TRPM5: variants seen among roughly 807,000 people sequenced by gnomAD.
TRPM5 encodes the protein MLSN1 and TRP-related.
Under a neutral mutation model 124.9 loss-of-function variants are expected in TRPM5, and 121 were observed. The ratio of observed to expected loss-of-function variants is 0.97; its 90% CI spans 0.84 to 1.13. The LOEUF is 1.13. TRPM5 is among the 50% of genes most tolerant of loss of function. The probability of loss-of-function intolerance (pLI) is 0.00; values close to 1 mark genes in which losing one functional copy is unlikely to be tolerated. For missense variants in TRPM5, 1,643 were observed against 1,589.1 expected (o/e 1.03, Z -0.58); for synonymous variants, 781 against 700.5 (o/e 1.11, Z -1.81).
intron 4 of TRPM5, 134 bp downstream of exon 9, chr11:2,420,088 C>G: frequency 1.0e-6 from 1 of 1,004,406 alleles, no homozygotes; most frequent in South Asian, 1.7e-5. Flanking sequence ...TCTCGGTGCT[C>G]AGGCATGCGG....
At chr11:2,425,911 C>A (rs893488441), upstream of TRPM5, among the ~76,000 whole-genome samples, 1 of 152,188 alleles carries the variant, frequency 6.6e-6, no homozygotes, top group Non-Finnish European at 1.5e-5. Flanking sequence ...TCCCTTCGTC[C>A]CTGGTGGGGA....
rs762070736 is a variant in TRPM5, at chr11:2,412,808, G to A, written c.2301C>T (p.Pro767=). 18 of 1,603,284 alleles carry A rather than the reference G, an allele frequency of 1.1e-5. No individual in the cohort carries two copies. The East Asian group carries it at 1.6e-4, about 14-fold the overall frequency. The change falls in exon 15 of 24, where the codon CCC becomes CCT. Residue 767 remains proline (P), a synonymous_variant. Transcript: ENST00000155858. ...AGACCCAGAAGTAGAGGGTGACCTC[G>A]GGCCCTGAGGGGCCCTGGGGGGGCG...
At chr11:2,413,553 G>A (rs748389413) in exon 13 of TRPM5, 21 of 1,612,498 alleles carry the variant, frequency 1.3e-5, no homozygotes, top group Non-Finnish European at 1.7e-5. Context: ...GCGTGCCTGC[G>A]GCCATGTCCC....
chr11:2,410,193 G>A lies in TRPM5; in HGVS notation c.2782+1159C>T, dbSNP rs548158570. 4.7e-4 allele frequency among the ~76,000 whole-genome samples: 71 copies of A among 152,338 alleles called. 2 individuals carry two copies. The South Asian group carries it at 0.014, about 31-fold the overall frequency. ...CAAAATGTCAGGAGGGGCTGCGGGGGCTGAGAAAACAGCCCAAGGAAATGA... is the reference window on the plus strand; with the variant it reads ...CAAAATGTCAGGAGGGGCTGCGGGGACTGAGAAAACAGCCCAAGGAAATGA... On this transcript the variant is annotated intron_variant, in intron 18 of 23. Transcript: ENST00000155858.
At chr11:2,439,031 A>G in the TRPM5 span, among the ~76,000 whole-genome samples, 2 of 152,212 alleles carry the variant, frequency 1.3e-5, no homozygotes, top group Admixed American at 1.3e-4. Flanking sequence ...CCACACACCT[A>G]CAGTAATCTG....
At chr11:2,405,307 G>GCCTCAAGA (rs1182878945) in intron 23 of TRPM5, among the ~76,000 whole-genome samples, 1 of 152,256 alleles carries the variant, frequency 6.6e-6, no homozygotes, top group African/African-American at 2.4e-5. Context: ...GCCAGGCAGA[G>GCCTCAAGA]CCTCAAGAGT....
At chr11:2,442,040 A>T in the TRPM5 span, among the ~76,000 whole-genome samples, 2 of 151,940 alleles carry the variant, frequency 1.3e-5, no homozygotes. This position sits in a 1 kb window ranked among gnomAD's most constrained non-coding sequence, Gnocchi z 5.9. Flanking sequence ...CTGCCTTTTC[A>T]CTCGTTTTCA....
chr11:2,420,454 G>A, intron 3 of TRPM5, 49 bp from the exon 9 acceptor site: 3 of 1,469,264 alleles, frequency 2.0e-6, no homozygotes, highest in Non-Finnish European at 2.7e-6. Context: ...GGCAGCTTGG[G>A]CTGGTCCCGC....
chr11:2,406,753 G>C, exon 21 of TRPM5: 1 of 1,613,546 alleles, frequency 6.2e-7, no homozygotes, highest in Non-Finnish European at 8.5e-7. Context: ...CTGTCTCCCA[G>C]GTGACGACCT....
chr11:2,432,464 G>A, the TRPM5 span, among the ~76,000 whole-genome samples: 1 of 152,220 alleles, frequency 6.6e-6, no homozygotes, highest in Non-Finnish European at 1.5e-5. Flanking sequence ...CAGAGGCTCA[G>A]CTCTCTCCTG....
At chr11:2,430,024 T>C in the TRPM5 span, among the ~76,000 whole-genome samples, 1 of 150,496 alleles carries the variant, frequency 6.6e-6, no homozygotes, top group Non-Finnish European at 1.5e-5. Flanking sequence ...ATCCTGGTCC[T>C]TCCCTCCACC....
At chr11:2,418,695 TC>T in intron 4 of TRPM5, 104 bp from the exon 10 acceptor site, 1 of 1,209,308 alleles carries the variant, frequency 8.3e-7, no homozygotes, top group Non-Finnish European at 1.2e-6. Flanking sequence ...AGCTGGCTCT[TC>T]CGAATAAAGT....
At chr11:2,440,375 A>G in the TRPM5 span, among the ~76,000 whole-genome samples, 1 of 152,214 alleles carries the variant, frequency 6.6e-6, no homozygotes, top group Non-Finnish European at 1.5e-5. This position sits in a 1 kb window ranked among gnomAD's most constrained non-coding sequence, Gnocchi z 5.2. Flanking sequence ...GTAGGGCATC[A>G]TATCCATAGG....
chr11:2,414,715 C>G lies in TRPM5; in HGVS notation c.1744G>C (p.Asp582His), dbSNP rs776542720. The G allele has an allele frequency of 2.6e-6, 4 of 1,536,160 alleles. No individual in the cohort carries two copies. The East Asian group carries it at 9.8e-5, about 38-fold the overall frequency. ...CCGGCCCCAGCCGCCGGTCACTCAC[C>G]AAGGGCCAGCCGCTCGTATTTCGCC... Residue 582 changes from aspartate to histidine, a missense_variant and splice_region_variant, in exon 11 of 24, where the codon GAC becomes CAC. Physicochemically the swap from Asp to His is moderately conservative, Grantham distance 81. Transcript: ENST00000155858.
intron 23 of TRPM5, among the ~76,000 whole-genome samples, 198 bp from the exon 29 acceptor site, chr11:2,405,241 C>G (rs1565004595): frequency 6.6e-6 from 1 of 152,348 alleles, no homozygotes; most frequent in East Asian, 1.9e-4. Flanking sequence ...AAAGCAGCCC[C>G]CTTGAGGCCG....
At chr11:2,430,731 G>A in the TRPM5 span, among the ~76,000 whole-genome samples, 31 of 134,322 alleles carry the variant, frequency 2.3e-4, 1 homozygote, top group Middle Eastern at 3.9e-3. Context: ...TTTGGTGGCG[G>A]TGATGGTGAT....
chr11:2,410,727 C>T (rs1472653878), intron 18 of TRPM5: 2 of 455,252 alleles, frequency 4.4e-6, no homozygotes, highest in Non-Finnish European at 8.8e-6. Flanking sequence ...CAGCCAGCTA[C>T]AGGGGTCGGC....
At position 2,409,906 on chromosome 11, in the gene TRPM5, G is replaced by T. The variant is rs562274005; in HGVS notation, c.2782+1446C>A. Among the ~76,000 whole-genome samples the T allele has an allele frequency of 2.0e-5, 3 of 152,180 alleles. No individual in the cohort carries two copies. In the South Asian group the frequency reaches 6.2e-4, roughly 32 times the overall value. Reference sequence around the variant, plus strand: ...GGAGTCTGTTTCCCTGCCTTCTCCCGTCGAGAAGGAGGCTATGGCCAGGCC... The same window carrying T: ...GGAGTCTGTTTCCCTGCCTTCTCCCTTCGAGAAGGAGGCTATGGCCAGGCC... On this transcript the variant is annotated intron_variant, in intron 18 of 23. Transcript: ENST00000155858.
At chr11:2,415,009 C>G in exon 10 of TRPM5, 10 of 1,604,908 alleles carry the variant, frequency 6.2e-6, no homozygotes, top group Non-Finnish European at 7.6e-6. Flanking sequence ...GGTCCAGCAG[C>G]CACTTCTGGC....
Sources: allele counts gnomAD v4.1 joint callset (sites outside exome capture counted in the v4.1 genomes callset), GRCh38; gene constraint gnomAD v4.1.1; non-coding constraint Gnocchi (gnomAD v3.1); transcripts MANE v1.5; gene names NCBI Gene and HGNC (gene_info 2026-07-23, HGNC 2026-07-21).